Variants in PIK3CA observed in about 807,000 individuals in gnomAD.
The protein encoded by PIK3CA is phosphatidylinositol 4,5-bisphosphate 3-kinase catalytic subunit alpha isoform.
PIK3CA carries 27 observed loss-of-function variants against 138.2 expected under a neutral mutation model. The observed-to-expected ratio is 0.20, with a 90% CI of 0.14 to 0.27. The LOEUF (loss-of-function observed/expected upper bound fraction) is 0.27. Among genes scored for constraint, PIK3CA ranks in the 10% least tolerant of loss-of-function variants. PIK3CA has a pLI of 1.00. For missense variants in PIK3CA, 544 were observed against 1,277.4 expected, an observed-to-expected ratio of 0.43 and a Z score of 8.75; for synonymous variants, 358 against 413.2, an observed-to-expected ratio of 0.87 and a Z score of 1.62.
intron 1 of PIK3CA, among the ~76,000 whole-genome samples, chr3:179,149,329 G>A (rs1722947469): frequency 6.6e-6 from 1 of 152,164 alleles, no homozygotes. Flanking sequence ...GAAAGGTAGG[G>A]TAGGGCCCGG....
chr3:179,178,261 C>CAAAAAAA (rs60887179), intron 1 of PIK3CA, among the ~76,000 whole-genome samples: 1 of 79,888 alleles, frequency 1.3e-5, no homozygotes, highest in African/African-American at 3.8e-5. Context: ...CTCTAAAGAT[C>CAAAAAAA]AAAAAAAAAA....
In PIK3CA at chr3:179,220,588, T is replaced by C. The variant is rs1179047226; in HGVS notation, c.2016-398T>C. Among the ~76,000 whole-genome samples the C allele has an allele frequency of 6.6e-6, 1 of 152,196 alleles. No individual in the cohort carries two copies. Among genetic ancestry groups the C allele is most frequent in the Non-Finnish European group, 1.5e-5 (1 of 68,018 alleles). ...TATTTTAAGTGTTAAAATTTAATAA[T>C]GGAACCCAGAAGTTAAGTTGAAAAC... On this transcript the variant is annotated intron_variant, in intron 13 of 20. Transcript: ENST00000263967. This position sits in a 1 kb window ranked among gnomAD's most constrained non-coding sequence, Gnocchi z 4.1.
intron 9 of PIK3CA, among the ~76,000 whole-genome samples, 164 bp downstream of exon 9, chr3:179,210,729 C>G (rs766199417): frequency 6.6e-6 from 1 of 152,226 alleles, no homozygotes; most frequent in African/African-American, 2.4e-5. Flanking sequence ...AATATTTTTA[C>G]TGCACCTCTG....
At chr3:179,176,737 G>C (rs541681767) in intron 1 of PIK3CA, among the ~76,000 whole-genome samples, 19 of 152,160 alleles carry the variant, frequency 1.2e-4, no homozygotes, top group Admixed American at 9.8e-4. Context: ...AGATTTTGGT[G>C]GTTTCTAGTT....
chr3:179,163,894 A>T (rs1179829401), intron 1 of PIK3CA, among the ~76,000 whole-genome samples: 2 of 152,048 alleles, frequency 1.3e-5, no homozygotes, highest in African/African-American at 4.8e-5. Flanking sequence ...TGACAGTCTG[A>T]ATTGGTTTAA....
intron 9 of PIK3CA, among the ~76,000 whole-genome samples, chr3:179,217,216 G>A (rs1724856650): frequency 1.3e-5 from 2 of 151,990 alleles, no homozygotes; most frequent in Non-Finnish European, 2.9e-5. Flanking sequence ...GTTCCTTCTT[G>A]TTACTTGAAT....
chr3:179,149,087 C>T (rs1260585869), intron 1 of PIK3CA, among the ~76,000 whole-genome samples: 1 of 152,128 alleles, frequency 6.6e-6, no homozygotes, highest in East Asian at 1.9e-4. Flanking sequence ...CCTGGCGGCC[C>T]TGCGTTTGCC....
intron 1 of PIK3CA, among the ~76,000 whole-genome samples, chr3:179,165,996 T>C (rs1723409482): frequency 6.6e-6 from 1 of 152,038 alleles, no homozygotes; most frequent in Non-Finnish European, 1.5e-5. Flanking sequence ...TATACTAAAT[T>C]ACACTTCTTT....
Position 179,193,600 on chromosome 3 carries a change from G to C in PIK3CA, c.-76-5150G>C, listed in dbSNP as rs766000250. 1.6e-4 allele frequency among the ~76,000 whole-genome samples: 25 copies of C among 152,232 alleles called. 1 individual carries two copies. Among genetic ancestry groups the C allele is most frequent in the Non-Finnish European group, 2.5e-4 (17 of 68,042 alleles). On this transcript the variant is annotated intron_variant, in intron 1 of 20. Transcript: ENST00000263967. ...CACAGTAATTGGTGCTTGTAATGAGGACTATAATTCATCAAAAAGGTAAAT... is the reference window on the plus strand; with the variant it reads ...CACAGTAATTGGTGCTTGTAATGAGCACTATAATTCATCAAAAAGGTAAAT...
At position 179,220,755 on chromosome 3, in the gene PIK3CA, A is replaced by G. The variant is rs1235654916; in HGVS notation, c.2016-231A>G. On this transcript the variant is annotated intron_variant, in intron 13 of 20. Transcript: ENST00000263967. The surrounding 1 kb of genome is among the most constrained non-coding windows in gnomAD (Gnocchi z 4.1). ...GTACTGAGATTAGTCAATGAAAACT[A>G]GTTGAAATAAACCTAAAAACTAGAT... Among the ~76,000 whole-genome samples, 3 of 152,158 alleles carry G rather than the reference A, an allele frequency of 2.0e-5. No individual in the cohort carries two copies. The highest frequency in any genetic ancestry group is 6.6e-5 in the Admixed American group (1 of 15,264).
At chr3:179,191,141 TGAG>T (rs1171288654) in intron 1 of PIK3CA, among the ~76,000 whole-genome samples, 1 of 152,140 alleles carries the variant, frequency 6.6e-6, no homozygotes, top group East Asian at 1.9e-4. Flanking sequence ...TTTCTTCACT[TGAG>T]GAGAGAAGAT....
intron 17 of PIK3CA, among the ~76,000 whole-genome samples, chr3:179,227,365 C>T (rs1372194003): frequency 1.3e-5 from 2 of 151,620 alleles, no homozygotes; most frequent in Non-Finnish European, 2.9e-5. Flanking sequence ...TGAGCATGTT[C>T]AACAGTGATA....
At chr3:179,164,640 G>T (rs1723370565) in intron 1 of PIK3CA, among the ~76,000 whole-genome samples, 1 of 152,102 alleles carries the variant, frequency 6.6e-6, no homozygotes, top group South Asian at 2.1e-4. Flanking sequence ...GGCCAAGGCG[G>T]GTGGATAACC....
rs121913284 is a variant in PIK3CA, at chr3:179,203,765, T to C, written c.1035T>C (p.Asn345=). ...RIKILCATYV[N]VNIRDIDKIY... is the part of the protein sequence containing the mutation. ...AAATTCTTTGTGCAACCTACGTGAA[T>C]GTAAATATTCGAGACATTGATAAGG... is the stretch of plus-strand genomic sequence containing the variant. Residue 345 remains asparagine (N), a synonymous_variant, in exon 5 of 21, where the codon AAT becomes AAC. Transcript: ENST00000263967. The C allele has an allele frequency of 6.2e-7, 1 of 1,609,452 alleles. No homozygotes were observed. The highest frequency in any genetic ancestry group is 1.3e-5 in the African/African-American group (1 of 74,924).
rs989080869 is a variant in PIK3CA, at chr3:179,236,639, C to T, written c.*2275C>T. ...TATCTATCAGTCCAGATAGTTGTCTCCCCTCCTTCTCCCAGGACCTCTCCA... is the reference window on the plus strand; with the variant it reads ...TATCTATCAGTCCAGATAGTTGTCTTCCCTCCTTCTCCCAGGACCTCTCCA... On this transcript the variant is annotated 3_prime_UTR_variant, in exon 21 of 21. Transcript: ENST00000263967. 1.8e-5 allele frequency: 4 copies of T among 227,212 alleles called. No homozygotes were observed. The highest frequency in any genetic ancestry group is 2.7e-5 in the Non-Finnish European group (3 of 113,044). The allele number at this position is 227,212 out of a possible 1,614,324, so 14.1% of individuals were successfully genotyped here. A position where few individuals can be genotyped will look rare whatever the true frequency, so the allele number is the denominator to read the frequency against.
chr3:179,197,303 C>G (rs1724291387), intron 1 of PIK3CA, among the ~76,000 whole-genome samples: 2 of 152,116 alleles, frequency 1.3e-5, no homozygotes, highest in African/African-American at 2.4e-5. Context: ...TCCCAAAATG[C>G]TAGGATTACA....
chr3:179,204,795 G>A (rs898453712), intron 6 of PIK3CA, among the ~76,000 whole-genome samples: 13 of 152,060 alleles, frequency 8.5e-5, no homozygotes, highest in Non-Finnish European at 1.6e-4. Flanking sequence ...GCTGAGGCGG[G>A]TGGATCACGA....
At chr3:179,166,806 G>A (rs1723432991) in intron 1 of PIK3CA, among the ~76,000 whole-genome samples, 1 of 152,046 alleles carries the variant, frequency 6.6e-6, no homozygotes, top group Non-Finnish European at 1.5e-5. Flanking sequence ...CACTCTTAAG[G>A]TGTTGATGGA....
chr3:179,218,239 A>G lies in PIK3CA; in HGVS notation c.1569A>G (p.Leu523=), dbSNP rs1423200481. The G allele has an allele frequency of 6.2e-7, 1 of 1,608,430 alleles. No individual in the cohort carries two copies. Among genetic ancestry groups the G allele is most frequent in the South Asian group, 1.1e-5 (1 of 90,362 alleles). ...LSNRLARDNE[L]RENDKEQLKA... is the part of the protein sequence containing the mutation. Reference sequence around the variant, plus strand: ...ACAGACTAGCTAGAGACAATGAATTAAGGGAAAATGACAAAGAACAGCTCA... The same window carrying G: ...ACAGACTAGCTAGAGACAATGAATTGAGGGAAAATGACAAAGAACAGCTCA... The change falls in exon 10 of 21, where the codon TTA becomes TTG. Residue 523 remains leucine, a synonymous_variant. Transcript: ENST00000263967.
Sources: allele counts gnomAD v4.1 joint callset (sites outside exome capture counted in the v4.1 genomes callset), GRCh38; gene constraint gnomAD v4.1.1; non-coding constraint Gnocchi (gnomAD v3.1); transcripts MANE v1.5; gene names NCBI Gene and HGNC (gene_info 2026-07-23, HGNC 2026-07-21).